Variants in HS3ST4 observed in about 807,000 individuals in gnomAD.
HS3ST4 encodes the protein heparan sulfate-glucosamine 3-sulfotransferase 4.
Under a neutral mutation model 29.2 loss-of-function variants are expected in HS3ST4, and 17 were observed. That is an observed-to-expected ratio of 0.58 (90% CI 0.40 to 0.87). HS3ST4 has a LOEUF of 0.87. Ranked by LOEUF, HS3ST4 falls within the 40% of genes least tolerant of loss-of-function variation. The pLI, the probability that HS3ST4 is intolerant of heterozygous loss-of-function variation, is 0.00. For synonymous variants in HS3ST4, 314 were observed against 285.7 expected (o/e 1.10, Z -1.00); for missense variants, 627 against 634.5 (o/e 0.99, Z 0.13).
At chr16:25,951,227 A>G (rs1323170645) in intron 1 of HS3ST4, among the ~76,000 whole-genome samples, 1 of 152,234 alleles carries the variant, frequency 6.6e-6, no homozygotes, top group Non-Finnish European at 1.5e-5. Flanking sequence ...ATGAATATGC[A>G]GCAGGCCAGC....
chr16:25,799,881 T>C (rs1966914691), intron 1 of HS3ST4, among the ~76,000 whole-genome samples: 1 of 152,170 alleles, frequency 6.6e-6, no homozygotes, highest in South Asian at 2.1e-4. Context: ...TATCTCACTA[T>C]GTTGGTCAGG....
At chr16:25,805,753 T>C (rs1966983967) in intron 1 of HS3ST4, among the ~76,000 whole-genome samples, 1 of 152,190 alleles carries the variant, frequency 6.6e-6, no homozygotes, top group Non-Finnish European at 1.5e-5. Flanking sequence ...TGTGCAGGTT[T>C]GTTACACAGG....
intron 1 of HS3ST4, among the ~76,000 whole-genome samples, chr16:26,012,135 A>G (rs1392711360): frequency 6.6e-6 from 1 of 152,222 alleles, no homozygotes; most frequent in Non-Finnish European, 1.5e-5. Flanking sequence ...GCCTCAGTAG[A>G]TAAGTCAGCA....
At chr16:26,081,785 T>G (rs888673809) in intron 1 of HS3ST4, among the ~76,000 whole-genome samples, 17 of 116,792 alleles carry the variant, frequency 1.5e-4, no homozygotes, top group Non-Finnish European at 2.7e-4. Context: ...GGGAGTACAT[T>G]CTTTTTTTTT....
intron 1 of HS3ST4, among the ~76,000 whole-genome samples, chr16:25,735,237 G>A (rs1313191424): frequency 6.6e-6 from 1 of 152,098 alleles, no homozygotes; most frequent in East Asian, 1.9e-4. Context: ...GCTTCCCCTT[G>A]CAATAATTTA....
intron 1 of HS3ST4, among the ~76,000 whole-genome samples, chr16:25,818,701 G>A (rs1332150272): frequency 6.6e-6 from 1 of 152,216 alleles, no homozygotes; most frequent in African/African-American, 2.4e-5. Context: ...ATAAAAGCAA[G>A]TGAGGAAAGA....
chr16:26,101,943 G>T (rs1327793486), intron 1 of HS3ST4, among the ~76,000 whole-genome samples: 1 of 152,130 alleles, frequency 6.6e-6, no homozygotes, highest in East Asian at 1.9e-4. Flanking sequence ...TTAGACAAAA[G>T]GTTCTTAGGT....
intron 1 of HS3ST4, among the ~76,000 whole-genome samples, chr16:25,741,365 T>TAAAAAAAAAAAAAA (rs66788248): frequency 1.8e-4 from 12 of 66,188 alleles, no homozygotes; most frequent in South Asian, 1.1e-3. Flanking sequence ...GAATTCAAGG[T>TAAAAAAAAAAAAAA]AAAAAAAAAA....
intron 1 of HS3ST4, among the ~76,000 whole-genome samples, chr16:26,131,999 T>G (rs1274953297): frequency 6.6e-6 from 1 of 152,160 alleles, no homozygotes. Context: ...ATCTTTAGCT[T>G]CTGGTCCTGT....
intron 1 of HS3ST4, among the ~76,000 whole-genome samples, chr16:25,855,670 C>T (rs1294224765): frequency 3.3e-5 from 5 of 152,130 alleles, no homozygotes; most frequent in Non-Finnish European, 2.9e-5. Flanking sequence ...GTCTGACCTC[C>T]CTTCCCATAA....
rs367949823 is a variant in HS3ST4 at position 25,779,300 on chromosome 16, C to T, written c.734+86149C>T. 5.3e-5 allele frequency among the ~76,000 whole-genome samples: 8 copies of T among 152,298 alleles called. No homozygotes were observed. The Middle Eastern group carries it at 0.02, about 389-fold the overall frequency. ...ACAAAGCTAAACAGCGAATGGAAGT[C>T]CATCACTGTAGCTATCATTATATCT... On this transcript the variant is annotated intron_variant, in intron 1 of 1. Transcript: ENST00000331351.
At chr16:25,756,553 C>T (rs906603615) in intron 1 of HS3ST4, among the ~76,000 whole-genome samples, 2 of 152,144 alleles carry the variant, frequency 1.3e-5, no homozygotes, top group African/African-American at 4.8e-5. Flanking sequence ...AGTCCCTTCC[C>T]ATGCTCTGAT....
intron 1 of HS3ST4, among the ~76,000 whole-genome samples, chr16:25,924,199 C>T (rs746392010): frequency 6.6e-4 from 101 of 152,190 alleles, no homozygotes; most frequent in Non-Finnish European, 2.1e-4. Context: ...CATCTTGGAG[C>T]TGCTTGTTTC....
chr16:25,958,933 C>T (rs6497903), intron 1 of HS3ST4, among the ~76,000 whole-genome samples: 71,227 of 152,012 alleles, frequency 0.47, 17,009 homozygotes, highest in African/African-American at 0.55. Context: ...CAGAATGTCA[C>T]GTTCACCACA....
chr16:25,843,687 A>G (rs1967437849), intron 1 of HS3ST4, among the ~76,000 whole-genome samples: 1 of 152,208 alleles, frequency 6.6e-6, no homozygotes, highest in African/African-American at 2.4e-5. Flanking sequence ...TATCTGTCTA[A>G]TGATCGTCTA....
At chr16:26,105,881 G>A (rs1163646082) in intron 1 of HS3ST4, among the ~76,000 whole-genome samples, 1 of 152,124 alleles carries the variant, frequency 6.6e-6, no homozygotes, top group Non-Finnish European at 1.5e-5. Context: ...ATATAGTCTG[G>A]GACTGTCACT....
At chr16:25,706,535 T>A (rs1966377387) in intron 1 of HS3ST4, among the ~76,000 whole-genome samples, 2 of 151,964 alleles carry the variant, frequency 1.3e-5, no homozygotes, top group Admixed American at 1.3e-4. Context: ...GTCCCCTAGC[T>A]CCCCACCCCC....
intron 1 of HS3ST4, among the ~76,000 whole-genome samples, chr16:26,090,758 A>G (rs930705833): frequency 2.0e-5 from 3 of 152,256 alleles, no homozygotes; most frequent in South Asian, 4.1e-4. Context: ...AAATTGGTAA[A>G]ACTGAGTTAT....
chr16:26,029,605 GT>G (rs1478932585), intron 1 of HS3ST4, among the ~76,000 whole-genome samples: 2 of 152,114 alleles, frequency 1.3e-5, no homozygotes, highest in African/African-American at 4.8e-5. Context: ...TAGAGATGGG[GT>G]TTCACCATGT....
Sources: gnomAD v4.1 joint callset for allele counts (sites outside exome capture counted in the v4.1 genomes callset) on GRCh38, gnomAD v4.1.1 for gene constraint, MANE v1.5 for transcripts, NCBI Gene and HGNC (gene_info 2026-07-23, HGNC 2026-07-21) for gene names.